Variants in KLF12 observed in about 807,000 individuals in gnomAD.
KLF12 encodes the protein Krueppel-like factor 12.
In KLF12, 9 loss-of-function variants were observed where a neutral mutation model predicts 37.8. That is an observed-to-expected ratio of 0.24 (90% CI 0.14 to 0.42). The LOEUF is 0.42. Among genes scored for constraint, KLF12 ranks in the 10% least tolerant of loss-of-function variants. The pLI is 1.00. For synonymous variants in KLF12, 208 were observed against 202.1 expected (o/e 1.03, Z -0.25); for missense variants, 411 against 516.0 (o/e 0.80, Z 1.97).
chr13:74,220,770 G>A, the KLF12 span, among the ~76,000 whole-genome samples: 1 of 152,118 alleles, frequency 6.6e-6, no homozygotes, highest in Non-Finnish European at 1.5e-5. Flanking sequence ...TGAGGTATTT[G>A]TGTTTCTGTG....
chr13:73,762,259 G>A (rs993674384), intron 6 of KLF12, among the ~76,000 whole-genome samples: 1 of 152,058 alleles, frequency 6.6e-6, no homozygotes, highest in African/African-American at 2.4e-5. Flanking sequence ...AGTGGATTTT[G>A]TTTGCCTTAT....
At chr13:74,041,706 A>G (rs1372482158) in intron 1 of KLF12, among the ~76,000 whole-genome samples, 3 of 149,538 alleles carry the variant, frequency 2.0e-5, no homozygotes, top group Non-Finnish European at 4.4e-5. Context: ...ACACACACAC[A>G]CACACACACA....
chr13:73,803,344 T>C (rs1882383634), intron 5 of KLF12, among the ~76,000 whole-genome samples: 1 of 152,216 alleles, frequency 6.6e-6, no homozygotes. Flanking sequence ...GCACTTGTTA[T>C]TCCTTCTGCC....
intron 4 of KLF12, among the ~76,000 whole-genome samples, chr13:73,827,194 TTATC>T (rs1883896956): frequency 6.6e-6 from 1 of 152,238 alleles, no homozygotes; most frequent in Non-Finnish European, 1.5e-5. Context: ...GCAGTATTAG[TTATC>T]TATCCTTTTC....
intron 3 of KLF12, among the ~76,000 whole-genome samples, chr13:73,924,417 A>G (rs1183992994): frequency 1.3e-5 from 2 of 152,180 alleles, no homozygotes; most frequent in East Asian, 1.9e-4. Context: ...TTTCATTATT[A>G]TATTTGTTAT....
the KLF12 span, among the ~76,000 whole-genome samples, chr13:74,182,185 A>G: frequency 1.3e-5 from 2 of 152,168 alleles, no homozygotes; most frequent in African/African-American, 4.8e-5. Context: ...GCTTTTATCT[A>G]TATTTGAAAA....
chr13:73,721,137 C>T (rs956035093), intron 6 of KLF12, among the ~76,000 whole-genome samples: 18 of 152,148 alleles, frequency 1.2e-4, no homozygotes, highest in African/African-American at 4.3e-4. Flanking sequence ...CACTACTATC[C>T]CTGTACACTG....
At chr13:73,745,199 T>C (rs1878275443) in intron 6 of KLF12, among the ~76,000 whole-genome samples, 1 of 152,220 alleles carries the variant, frequency 6.6e-6, no homozygotes, top group Non-Finnish European at 1.5e-5. Context: ...CATGTGCTCT[T>C]TGACCACCTG....
At chr13:74,271,040 C>T in the KLF12 span, among the ~76,000 whole-genome samples, 1 of 152,108 alleles carries the variant, frequency 6.6e-6, no homozygotes, top group African/African-American at 2.4e-5. Flanking sequence ...TGCCTGAGCT[C>T]CACCTCCTGT....
At chr13:73,763,216 A>G (rs1879683568) in intron 6 of KLF12, among the ~76,000 whole-genome samples, 2 of 152,150 alleles carry the variant, frequency 1.3e-5, no homozygotes, top group South Asian at 4.1e-4. Context: ...TCTAAACATT[A>G]TATTATAAAT....
At chr13:73,723,928 C>T (rs777370466) in intron 6 of KLF12, among the ~76,000 whole-genome samples, 4 of 152,176 alleles carry the variant, frequency 2.6e-5, no homozygotes, top group South Asian at 4.2e-4. Flanking sequence ...AATAGGAACA[C>T]TACACTGTTG....
chr13:73,839,998 G>C lies in KLF12; in HGVS notation c.670+5829C>G, dbSNP rs148358188. ...AGCAAAACTACTCCAAAGAACTATC[G>C]AGACTTTCAGTCTCCTCTTCCTCAC... On this transcript the variant is annotated intron_variant, in intron 4 of 7. Coordinates refer to ENST00000377669, the MANE Select transcript of KLF12 (RefSeq NM_007249.5). 2.0e-5 allele frequency among the ~76,000 whole-genome samples: 3 copies of C among 151,880 alleles called. No homozygotes were observed. The South Asian group carries it at 6.2e-4, about 32-fold the overall frequency.
intron 3 of KLF12, among the ~76,000 whole-genome samples, chr13:73,925,407 G>C (rs543407671): frequency 2.0e-5 from 3 of 152,248 alleles, no homozygotes; most frequent in African/African-American, 7.2e-5. Flanking sequence ...GAACAACAAA[G>C]CCTGGATGAC....
Position 73,790,474 on chromosome 13 carries a change from T to TC in KLF12, c.806+22677dup, listed in dbSNP as rs1366912131. On this transcript the variant is annotated intron_variant, in intron 5 of 7. Coordinates refer to ENST00000377669, the MANE Select transcript of KLF12 (RefSeq NM_007249.5). ...TGTTTGGTGATTAGAATGCAAGTGA[T>TC]CCTTCTATTATCAAGTATTTTGTGA... is the stretch of plus-strand genomic sequence containing the variant. 1.8e-4 allele frequency among the ~76,000 whole-genome samples: 27 copies of TC among 152,342 alleles called. No homozygotes were observed. In the East Asian group the frequency reaches 4.1e-3, roughly 23 times the overall value.
At chr13:73,951,157 A>C (rs1236178870) in intron 2 of KLF12, among the ~76,000 whole-genome samples, 1 of 152,214 alleles carries the variant, frequency 6.6e-6, no homozygotes, top group Non-Finnish European at 1.5e-5. Context: ...AATAACAATA[A>C]CATTTATTCA....
At chr13:74,150,634 A>C in the KLF12 span, among the ~76,000 whole-genome samples, 1 of 152,226 alleles carries the variant, frequency 6.6e-6, no homozygotes, top group Non-Finnish European at 1.5e-5. Flanking sequence ...TTTCACTTAA[A>C]GGAAACACTT....
chr13:74,194,456 A>G, the KLF12 span, among the ~76,000 whole-genome samples: 7 of 152,176 alleles, frequency 4.6e-5, no homozygotes, highest in Non-Finnish European at 8.8e-5. Flanking sequence ...TTATCTGGTA[A>G]GGGTTGCATC....
In KLF12 at chr13:73,944,089, G is replaced by A. The variant is rs779872924; in HGVS notation, c.34-19C>T. The A allele has an allele frequency of 2.7e-6, 4 of 1,494,944 alleles. No homozygotes were observed. In the South Asian group the frequency reaches 3.4e-5, roughly 13 times the overall value. The allele number at this position is 1,494,944 out of a possible 1,614,324, so 92.6% of individuals were successfully genotyped here. On this transcript the variant is annotated intron_variant, in intron 2 of 7. Transcript: ENST00000377669. ...TGATATTCTGAGAATAGAAGGGAGAGAGAAAGATTCAGCTCTAAAGCATTC... is the reference window on the plus strand; with the variant it reads ...TGATATTCTGAGAATAGAAGGGAGAAAGAAAGATTCAGCTCTAAAGCATTC...
upstream of KLF12, among the ~76,000 whole-genome samples, chr13:74,134,358 G>GC (rs1566229409): frequency 6.6e-6 from 1 of 151,908 alleles, no homozygotes; most frequent in Non-Finnish European, 1.5e-5. Flanking sequence ...ATAAAATGGG[G>GC]CCCCCGAGCC....
Sources: gnomAD v4.1 joint callset for allele counts (sites outside exome capture counted in the v4.1 genomes callset) on GRCh38, gnomAD v4.1.1 for gene constraint, MANE v1.5 for transcripts, NCBI Gene and HGNC (gene_info 2026-07-23, HGNC 2026-07-21) for gene names.